Variants in CSMD2 observed in about 807,000 individuals in gnomAD.
The protein encoded by CSMD2 is CUB and Sushi multiple domains 2.
CSMD2 carries 130 observed loss-of-function variants against 398.5 expected under a neutral mutation model. The ratio of observed to expected loss-of-function variants is 0.33; its 90% CI spans 0.28 to 0.38. The LOEUF (loss-of-function observed/expected upper bound fraction) is 0.38. Among genes scored for constraint, CSMD2 ranks in the 10% least tolerant of loss-of-function variants. The probability of loss-of-function intolerance (pLI) is 1.00; values close to 1 mark genes in which losing one functional copy is unlikely to be tolerated. For synonymous variants in CSMD2, 1,828 were observed against 1,908.5 expected (o/e 0.96, Z 1.10); for missense variants, 3,829 against 4,764.9 (o/e 0.80, Z 5.78).
At position 33,567,803 on chromosome 1, in the gene CSMD2, G is replaced by C. The variant is rs371734201; in HGVS notation, c.8170C>G (p.Leu2724Val). ...TKLHSIFYKL[L>V]FDVLSSPSLT... ...GATGGGGAAGAGAGTACATCGAAGA[G>C]GAGCTTATAGAAAATGGAGTGGAGC... The change falls in exon 53 of 71, where the codon CTC becomes GTC. Residue 2724 changes from leucine to valine, a missense_variant. By Grantham distance (32) the Leu-to-Val change is conservative. Transcript: ENST00000373381. 6.2e-7 allele frequency: 1 copy of C among 1,606,602 alleles called. No individual in the cohort carries two copies. Among genetic ancestry groups the C allele is most frequent in the East Asian group, 2.2e-5 (1 of 44,478 alleles).
chr1:33,876,731 C>T, intron 5 of CSMD2, among the ~76,000 whole-genome samples: 1 of 152,098 alleles, frequency 6.6e-6, no homozygotes. Context: ...GGGGTCATTG[C>T]TCCTTGTCCA....
chr1:34,132,321 T>TCATC (rs1218775856), intron 1 of CSMD2, among the ~76,000 whole-genome samples: 2 of 152,048 alleles, frequency 1.3e-5, no homozygotes, highest in Non-Finnish European at 2.9e-5. Context: ...ATTGTGGAAT[T>TCATC]CATCCCAGGC....
intron 2 of CSMD2, among the ~76,000 whole-genome samples, chr1:34,052,853 T>C (rs1289293872): frequency 6.6e-6 from 1 of 152,054 alleles, no homozygotes; most frequent in Non-Finnish European, 1.5e-5. Flanking sequence ...CAAGCGCTTT[T>C]GAGGGGCTTG....
At chr1:33,592,470 AC>A in intron 44 of CSMD2, 1 of 717,054 alleles carries the variant, frequency 1.4e-6, no homozygotes, top group African/African-American at 1.7e-5. Flanking sequence ...GTCACAATGT[AC>A]AAACAGCTGC....
intron 62 of CSMD2, among the ~76,000 whole-genome samples, chr1:33,536,737 G>A (rs909427081): frequency 8.1e-5 from 12 of 148,322 alleles, no homozygotes; most frequent in African/African-American, 2.2e-4. Flanking sequence ...ACTCATTTCC[G>A]TATTTCCACA....
chr1:33,770,656 TC>T (rs1651136485), intron 13 of CSMD2, among the ~76,000 whole-genome samples: 1 of 152,196 alleles, frequency 6.6e-6, no homozygotes, highest in African/African-American at 2.4e-5. Context: ...TCCTGCTCTA[TC>T]CCAGAATTGT....
At chr1:33,929,057 G>A (rs753442191) in intron 4 of CSMD2, among the ~76,000 whole-genome samples, 2 of 152,082 alleles carry the variant, frequency 1.3e-5, no homozygotes, top group African/African-American at 2.4e-5. Context: ...CATGCTTCCT[G>A]CCCTCTGTGC....
Position 33,517,811 on chromosome 1 carries a change from C to T in CSMD2, c.*54-1241G>A, listed in dbSNP as rs543487183. On this transcript the variant is annotated intron_variant, in intron 70 of 70. Coordinates refer to ENST00000373381, the MANE Select transcript of CSMD2 (RefSeq NM_001281956.2). ...GGGACTCAGGCTGAAACTGTGAAATCCTCCAGGAGTTGTGAGGCAGAAAGG... is the reference window on the plus strand; with the variant it reads ...GGGACTCAGGCTGAAACTGTGAAATTCTCCAGGAGTTGTGAGGCAGAAAGG... 2.0e-5 allele frequency among the ~76,000 whole-genome samples: 3 copies of T among 152,300 alleles called. No individual in the cohort carries two copies. The South Asian group carries it at 6.2e-4, about 32-fold the overall frequency.
intron 25 of CSMD2, among the ~76,000 whole-genome samples, chr1:33,663,957 A>G (rs1323378476): frequency 6.6e-6 from 1 of 152,218 alleles, no homozygotes; most frequent in East Asian, 1.9e-4. Flanking sequence ...TGTCACGACT[A>G]AGAAAGCAAT....
At chr1:33,784,468 C>T (rs965242170) in intron 12 of CSMD2, among the ~76,000 whole-genome samples, 2 of 152,198 alleles carry the variant, frequency 1.3e-5, no homozygotes, top group Admixed American at 1.3e-4. Flanking sequence ...AAAAAAGTGG[C>T]CCACCCAACT....
At chr1:33,690,089 C>T (rs1400007535) in intron 25 of CSMD2, among the ~76,000 whole-genome samples, 1 of 152,152 alleles carries the variant, frequency 6.6e-6, no homozygotes, top group Non-Finnish European at 1.5e-5. Flanking sequence ...TCCCACTCCG[C>T]CCATTCTCCT....
rs946617222 is a variant in CSMD2, at chr1:33,514,998, C to G, written c.*1626G>C. On this transcript the variant is annotated 3_prime_UTR_variant, in exon 71 of 71. Transcript: ENST00000373381. ...CTATTTCAATATGTGACATGAATCT[C>G]TGAGGCCAGCATGTCACACGTATAC... The G allele has an allele frequency of 2.0e-5, 3 of 152,218 alleles. No individual in the cohort carries two copies. Among genetic ancestry groups the G allele is most frequent in the Admixed American group, 2.0e-4 (3 of 15,282 alleles). 9.4% of individuals were successfully genotyped at this position (152,218 alleles called of 1,614,324 possible).
intron 49 of CSMD2, among the ~76,000 whole-genome samples, chr1:33,574,980 C>T (rs1355714806): frequency 2.6e-5 from 4 of 152,212 alleles, no homozygotes; most frequent in East Asian, 1.9e-4. Context: ...AGCCACTTCT[C>T]ACAGGCCCTG....
intron 1 of CSMD2, among the ~76,000 whole-genome samples, chr1:34,149,009 C>T (rs1024742918): frequency 9.2e-5 from 14 of 152,152 alleles, no homozygotes; most frequent in African/African-American, 3.4e-4. Flanking sequence ...TTTGCCCTCC[C>T]CGAGCATTTA....
intron 1 of CSMD2, among the ~76,000 whole-genome samples, chr1:34,102,927 T>G (rs1660125197): frequency 6.6e-6 from 1 of 152,140 alleles, no homozygotes; most frequent in South Asian, 2.1e-4. Context: ...TGATGCACCC[T>G]CCCCAGTAAA....
chr1:34,059,060 T>A (rs1216618645), intron 2 of CSMD2, among the ~76,000 whole-genome samples: 2 of 152,178 alleles, frequency 1.3e-5, no homozygotes, highest in Admixed American at 1.3e-4. Flanking sequence ...GACAGAAGCA[T>A]GAGGGGTCAT....
chr1:34,011,782 T>C (rs1034527404), intron 3 of CSMD2, among the ~76,000 whole-genome samples: 1 of 152,174 alleles, frequency 6.6e-6, no homozygotes, highest in African/African-American at 2.4e-5. Flanking sequence ...TTATTGACTA[T>C]AGTTACCCTG....
At chr1:33,788,539 A>G in intron 12 of CSMD2, 61 bp downstream of exon 12, 1 of 946,972 alleles carries the variant, frequency 1.1e-6, no homozygotes. Context: ...TCTGACTGCA[A>G]ATCCAGACCC....
chr1:33,989,289 A>G (rs1646471436), intron 3 of CSMD2, among the ~76,000 whole-genome samples: 1 of 151,924 alleles, frequency 6.6e-6, no homozygotes, highest in African/African-American at 2.4e-5. Flanking sequence ...ACAATGAGAT[A>G]CCACCACATA....
Sources: gnomAD v4.1 joint callset for allele counts (sites outside exome capture counted in the v4.1 genomes callset) on GRCh38, gnomAD v4.1.1 for gene constraint, MANE v1.5 for transcripts, NCBI Gene and HGNC (gene_info 2026-07-23, HGNC 2026-07-21) for gene names.